Variants in TFEC observed in about 807,000 individuals in gnomAD.
TFEC encodes the protein transcription factor EC.
Under a neutral mutation model 41.6 loss-of-function variants are expected in TFEC, and 31 were observed. The ratio of observed to expected loss-of-function variants is 0.74; its 90% confidence interval spans 0.56 to 1.01. The LOEUF (loss-of-function observed/expected upper bound fraction) is 1.01, where lower values mean the gene tolerates loss of function less well. Among genes scored for constraint, TFEC ranks in the 50% least tolerant of loss-of-function variants. The pLI is 0.00. For missense variants in TFEC, 402 were observed against 404.1 expected (o/e 0.99, Z 0.04); for synonymous variants, 143 against 140.6 (o/e 1.02, Z -0.12).
At chr7:115,962,459 T>C (rs781485810) in intron 3 of TFEC, among the ~76,000 whole-genome samples, 31 of 151,798 alleles carry the variant, frequency 2.0e-4, no homozygotes, top group Non-Finnish European at 3.7e-4. Flanking sequence ...TGCAGTTATC[T>C]AAATCTGTGC....
intron 1 of TFEC, among the ~76,000 whole-genome samples, chr7:116,000,308 C>T (rs1169030669): frequency 1.3e-5 from 2 of 151,996 alleles, no homozygotes; most frequent in African/African-American, 4.8e-5. Flanking sequence ...AAGCAACTCA[C>T]CTCAATACAA....
At chr7:116,149,226 C>G (rs1798708756) in intron 1 of TFEC, among the ~76,000 whole-genome samples, 1 of 151,984 alleles carries the variant, frequency 6.6e-6, no homozygotes, top group African/African-American at 2.4e-5. Context: ...AAATAACCTC[C>G]AGCAAAGTTG....
chr7:116,141,544 T>C (rs1402878600), intron 1 of TFEC, among the ~76,000 whole-genome samples: 1 of 152,226 alleles, frequency 6.6e-6, no homozygotes, highest in Non-Finnish European at 1.5e-5. Context: ...GGTATGATCA[T>C]GTGTGCTTTG....
intron 5 of TFEC, among the ~76,000 whole-genome samples, chr7:115,951,365 C>T (rs1791933425): frequency 1.3e-5 from 2 of 152,040 alleles, no homozygotes; most frequent in South Asian, 4.1e-4. Context: ...AAGCCTAACG[C>T]AATGTTTAGC....
intron 1 of TFEC, among the ~76,000 whole-genome samples, chr7:115,985,979 C>T (rs930772771): frequency 6.6e-6 from 1 of 152,110 alleles, no homozygotes; most frequent in African/African-American, 2.4e-5. Context: ...ACATTGTATA[C>T]CTACAATTGG....
At chr7:115,959,231 T>C (rs1299037969) in intron 3 of TFEC, among the ~76,000 whole-genome samples, 1 of 151,758 alleles carries the variant, frequency 6.6e-6, no homozygotes, top group East Asian at 1.9e-4. Flanking sequence ...AAATAATTTA[T>C]TATAAAATCC....
intron 1 of TFEC, among the ~76,000 whole-genome samples, chr7:116,009,578 G>A (rs1182577847): frequency 1.3e-5 from 2 of 151,984 alleles, no homozygotes; most frequent in Non-Finnish European, 2.9e-5. Flanking sequence ...CAGTATATTA[G>A]GGGAGATAAA....
At chr7:116,120,442 T>C (rs1798086807) in intron 1 of TFEC, 1 of 151,916 alleles carries the variant, frequency 6.6e-6, no homozygotes, top group African/African-American at 2.4e-5. Flanking sequence ...GGGAATTTGT[T>C]GGAAAGACAG....
rs73460621 is a variant in TFEC, at chr7:116,000,261, C to T, written c.-72-15748G>A. Among the ~76,000 whole-genome samples the T allele has an allele frequency of 8.5e-5, 13 of 152,072 alleles. No homozygotes were observed. In the East Asian group the frequency reaches 2.5e-3, roughly 29 times the overall value. On this transcript the variant is annotated intron_variant, in intron 1 of 7. Coordinates refer to ENST00000265440, the MANE Select transcript of TFEC (RefSeq NM_012252.4). ...GAAAAAAGCATTTGATAATATTGAA[C>T]ACTTCAAGATAAAAACCCTCAAAAA...
At chr7:115,995,079 G>C (rs964624150) in intron 1 of TFEC, among the ~76,000 whole-genome samples, 5 of 151,598 alleles carry the variant, frequency 3.3e-5, no homozygotes, top group Admixed American at 6.6e-5. Flanking sequence ...CCATCATTCT[G>C]AGCAAACTAT....
intron 3 of TFEC, among the ~76,000 whole-genome samples, chr7:116,058,797 T>C (rs1323335703): frequency 6.6e-6 from 1 of 151,374 alleles, no homozygotes; most frequent in African/African-American, 2.4e-5. Flanking sequence ...TAACCCATGG[T>C]TCAAAAAAAT....
At chr7:116,042,220 T>A (rs535782282) in intron 3 of TFEC, among the ~76,000 whole-genome samples, 11 of 152,294 alleles carry the variant, frequency 7.2e-5, no homozygotes, top group Middle Eastern at 3.4e-3. Flanking sequence ...AGAATGGCAC[T>A]CTTTTCTAGA....
At chr7:116,108,408 C>G (rs1024652954) in intron 3 of TFEC, among the ~76,000 whole-genome samples, 6 of 152,158 alleles carry the variant, frequency 3.9e-5, no homozygotes, top group Non-Finnish European at 7.4e-5. Context: ...ATGTACAATA[C>G]TATACACCAC....
At chr7:116,094,898 T>C (rs1797416075) in intron 3 of TFEC, among the ~76,000 whole-genome samples, 1 of 152,204 alleles carries the variant, frequency 6.6e-6, no homozygotes, top group East Asian at 1.9e-4. Flanking sequence ...TAAATTGAAG[T>C]TAAATTGCTA....
intron 1 of TFEC, among the ~76,000 whole-genome samples, chr7:116,133,489 T>C (rs902012075): frequency 8.0e-5 from 12 of 149,670 alleles, no homozygotes; most frequent in African/African-American, 1.7e-4. Flanking sequence ...TGAGCTGAGA[T>C]CACGCCCCTG....
intron 1 of TFEC, among the ~76,000 whole-genome samples, chr7:116,020,555 A>G (rs1404249): frequency 0.027 from 4,041 of 152,276 alleles, 69 homozygotes; most frequent in Non-Finnish European, 0.038. Flanking sequence ...TTCTTTGCTA[A>G]AAACAATCAT....
chr7:116,022,023 T>C (rs1467028627), intron 1 of TFEC, among the ~76,000 whole-genome samples: 1 of 152,114 alleles, frequency 6.6e-6, no homozygotes. Flanking sequence ...CTGAGAGCTA[T>C]GAAAGGCACA....
rs570078026 is a variant in TFEC, at chr7:116,113,812, T to C, written c.-68-1774A>G. 1.9e-4 allele frequency among the ~76,000 whole-genome samples: 29 copies of C among 152,128 alleles called. No individual in the cohort carries two copies. In the South Asian group the frequency reaches 2.9e-3, roughly 15 times the overall value. On this transcript the variant is annotated intron_variant, in intron 1 of 8. Transcript: ENST00000484212. ...TAATCTTTCCCAAAATGTTCACTTATGGATATACTGAAAATAACTCTCAGG... is the reference window on the plus strand; with the variant it reads ...TAATCTTTCCCAAAATGTTCACTTACGGATATACTGAAAATAACTCTCAGG...
intron 1 of TFEC, among the ~76,000 whole-genome samples, chr7:116,027,510 T>A (rs1288430858): frequency 2.0e-5 from 3 of 152,108 alleles, no homozygotes; most frequent in African/African-American, 7.2e-5. Context: ...GGCGGGAGGC[T>A]CTTTTGAGCC....
Sources: gnomAD v4.1 joint callset for allele counts (sites outside exome capture counted in the v4.1 genomes callset) on GRCh38, gnomAD v4.1.1 for gene constraint, MANE v1.5 for transcripts, NCBI Gene and HGNC (gene_info 2026-07-23, HGNC 2026-07-21) for gene names.